Variants in PXYLP1 observed in about 807,000 individuals in gnomAD.
PXYLP1 encodes 2-phosphoxylose phosphatase 1.
PXYLP1 carries 17 observed loss-of-function variants against 37.9 expected under a neutral mutation model. That is an observed-to-expected ratio of 0.45 (90% CI 0.31 to 0.67). The LOEUF (loss-of-function observed/expected upper bound fraction) is 0.67. Ranked by LOEUF, PXYLP1 falls within the 30% of genes least tolerant of loss-of-function variation. The pLI is 0.07. For synonymous variants in PXYLP1, 221 were observed against 232.2 expected (o/e 0.95, Z 0.44); for missense variants, 511 against 612.0 (o/e 0.84, Z 1.74).
intron 1 of PXYLP1, among the ~76,000 whole-genome samples, chr3:141,244,585 T>C (rs1169174419): frequency 2.7e-5 from 4 of 149,120 alleles, no homozygotes; most frequent in African/African-American, 1.0e-4. Context: ...GAGATTACAC[T>C]GTATCTAGTA....
At chr3:141,250,620 T>C (rs1490919508) in intron 1 of PXYLP1, among the ~76,000 whole-genome samples, 4 of 152,230 alleles carry the variant, frequency 2.6e-5, no homozygotes, top group African/African-American at 9.6e-5. Flanking sequence ...AAGGCTTCTT[T>C]GCTTCCAGTA....
At chr3:141,254,552 G>T (rs912080677) in intron 1 of PXYLP1, among the ~76,000 whole-genome samples, 2 of 152,160 alleles carry the variant, frequency 1.3e-5, no homozygotes, top group Non-Finnish European at 2.9e-5. Context: ...TGGAATCTGC[G>T]CATCTTCATC....
intron 1 of PXYLP1, among the ~76,000 whole-genome samples, chr3:141,240,466 T>C (rs1369373396): frequency 6.6e-6 from 1 of 152,004 alleles, no homozygotes; most frequent in Non-Finnish European, 1.5e-5. Context: ...ACATGGAGGA[T>C]GGTGTGTGGG....
intron 1 of PXYLP1, among the ~76,000 whole-genome samples, chr3:141,232,684 G>A (rs903051757): frequency 1.3e-5 from 2 of 152,076 alleles, no homozygotes; most frequent in African/African-American, 4.8e-5. Flanking sequence ...CACACACAGA[G>A]AGAGAGAGAA....
intron 3 of PXYLP1, 49 bp downstream of exon 3, chr3:141,278,549 A>T: frequency 6.2e-7 from 1 of 1,604,418 alleles, no homozygotes. Flanking sequence ...GGGACTAGTT[A>T]TTCCAGCAGC....
intron 5 of PXYLP1, among the ~76,000 whole-genome samples, chr3:141,288,035 G>A (rs1237670292): frequency 6.6e-6 from 1 of 152,260 alleles, no homozygotes; most frequent in African/African-American, 2.4e-5. Context: ...TCTACTGCAT[G>A]TGGAGTTTGT....
At chr3:141,276,899 T>C (rs960442660) in intron 2 of PXYLP1, among the ~76,000 whole-genome samples, 21 of 152,270 alleles carry the variant, frequency 1.4e-4, no homozygotes, top group African/African-American at 4.8e-4. Flanking sequence ...TCTTTAATTA[T>C]GAATAAACAA....
At chr3:141,232,959 G>C (rs1447668588) in intron 1 of PXYLP1, among the ~76,000 whole-genome samples, 1 of 152,182 alleles carries the variant, frequency 6.6e-6, no homozygotes, top group African/African-American at 2.4e-5. Flanking sequence ...AGCTGTGAAT[G>C]GGGAAGTGTA....
chr3:141,284,844 T>G lies in PXYLP1; in HGVS notation c.366-2470T>G, dbSNP rs570903605. On this transcript the variant is annotated intron_variant, in intron 4 of 5. Coordinates refer to ENST00000286353, the MANE Select transcript of PXYLP1 (RefSeq NM_001037172.3). ...AGGGCCGACTATATTTTCATCAAAA[T>G]CTGAATATTTTAACAAACCGTATGG... Among the ~76,000 whole-genome samples, 4 of 152,360 alleles carry G rather than the reference T, an allele frequency of 2.6e-5. No homozygotes were observed. The East Asian group carries it at 7.7e-4, about 29-fold the overall frequency.
Position 141,248,563 on chromosome 3 carries a change from A to G in PXYLP1, c.-53-11560A>G, listed in dbSNP as rs570239193. Among the ~76,000 whole-genome samples, 30 of 132,630 alleles carry G rather than the reference A, an allele frequency of 2.3e-4. 3 individuals are homozygous for G. Among genetic ancestry groups the G allele is most frequent in the African/African-American group, 7.1e-4 (23 of 32,542 alleles). The allele number at this position is 132,630 out of a possible 152,430, so 87.0% of individuals were successfully genotyped here. Reference sequence around the variant, plus strand: ...CACACACGTATATATACACACGTGTATATATATACACACATGTATATATAC... The same window carrying G: ...CACACACGTATATATACACACGTGTGTATATATACACACATGTATATATAC... On this transcript the variant is annotated intron_variant, in intron 1 of 5. Transcript: ENST00000286353.
At chr3:141,263,775 T>C (rs1941448110) in intron 2 of PXYLP1, among the ~76,000 whole-genome samples, 1 of 152,224 alleles carries the variant, frequency 6.6e-6, no homozygotes, top group African/African-American at 2.4e-5. Context: ...GTCCTATTCC[T>C]TCTTCTGTAA....
At chr3:141,238,974 A>G (rs1172300357) in intron 1 of PXYLP1, among the ~76,000 whole-genome samples, 5 of 152,070 alleles carry the variant, frequency 3.3e-5, no homozygotes, top group Non-Finnish European at 7.4e-5. Flanking sequence ...GAGGCGGAAG[A>G]GAACCTACGT....
intron 2 of PXYLP1, among the ~76,000 whole-genome samples, chr3:141,277,813 G>A (rs1185508454): frequency 6.6e-6 from 1 of 152,166 alleles, no homozygotes; most frequent in African/African-American, 2.4e-5. Flanking sequence ...GCGTGAGACA[G>A]GCTTTCACCC....
At chr3:141,273,106 T>C in intron 2 of PXYLP1, 1 of 985,526 alleles carries the variant, frequency 1.0e-6, no homozygotes, top group Non-Finnish European at 1.2e-6. Context: ...TTTCTCCTTA[T>C]GGTCCATGTG....
chr3:141,271,545 G>A (rs1392093324), intron 2 of PXYLP1, among the ~76,000 whole-genome samples: 2 of 152,170 alleles, frequency 1.3e-5, no homozygotes, highest in Non-Finnish European at 2.9e-5. Flanking sequence ...TGATCCCAGA[G>A]CAATGGAGAC....
chr3:141,271,098 A>T (rs992126998), intron 2 of PXYLP1, among the ~76,000 whole-genome samples: 1 of 152,194 alleles, frequency 6.6e-6, no homozygotes, highest in African/African-American at 2.4e-5. Context: ...ATTCCTTACC[A>T]GAATCCATTC....
chr3:141,258,194 T>A (rs1576586045), intron 1 of PXYLP1, among the ~76,000 whole-genome samples: 1 of 151,580 alleles, frequency 6.6e-6, no homozygotes, highest in East Asian at 1.9e-4. Context: ...AAACCGGGGG[T>A]GGATGATTCC....
intron 1 of PXYLP1, among the ~76,000 whole-genome samples, chr3:141,239,171 T>C (rs1940733469): frequency 6.6e-6 from 1 of 152,174 alleles, no homozygotes; most frequent in Admixed American, 6.5e-5. Context: ...GGAAAACCCT[T>C]TCTCTGTTTT....
intron 4 of PXYLP1, among the ~76,000 whole-genome samples, chr3:141,280,888 G>A (rs1411788924): frequency 6.6e-6 from 1 of 152,308 alleles, no homozygotes; most frequent in East Asian, 1.9e-4. Context: ...CTAGCTGGCG[G>A]TCCACAAGTT....
Sources: allele counts gnomAD v4.1 joint callset (sites outside exome capture counted in the v4.1 genomes callset), GRCh38; gene constraint gnomAD v4.1.1; transcripts MANE v1.5; gene names NCBI Gene and HGNC (gene_info 2026-07-23, HGNC 2026-07-21).